The following ACCSL variants were observed in gnomAD, a reference collection of about 807,000 sequenced individuals.
The protein encoded by ACCSL is probable inactive 1-aminocyclopropane-1-carboxylate synthase-like protein 2.
Under a neutral mutation model 61.7 loss-of-function variants are expected in ACCSL, and 55 were observed. The observed-to-expected ratio is 0.89, with a 90% CI of 0.72 to 1.12. The LOEUF is 1.12. Ranked by LOEUF, ACCSL falls within the 50% of genes most tolerant of loss-of-function variation. The pLI is 0.00. For missense variants in ACCSL, 632 were observed against 698.0 expected (o/e 0.91, Z 1.07); for synonymous variants, 258 against 264.3 (o/e 0.98, Z 0.23).
the ACCSL span, among the ~76,000 whole-genome samples, chr11:43,971,099 G>A: frequency 7.2e-5 from 11 of 152,156 alleles, no homozygotes; most frequent in African/African-American, 2.2e-4. Flanking sequence ...TTGGGAGGCC[G>A]AGGTGGGCAG....
the ACCSL span, among the ~76,000 whole-genome samples, chr11:44,004,144 G>A: frequency 5.5e-4 from 84 of 151,984 alleles, no homozygotes; most frequent in African/African-American, 1.9e-3. Context: ...TCTGCATGTG[G>A]AAGGGGGAAA....
the ACCSL span, chr11:43,942,692 C>T: frequency 5.7e-6 from 1 of 174,670 alleles, no homozygotes; most frequent in Non-Finnish European, 1.2e-5. Flanking sequence ...CAGCGCCCCC[C>T]GAGCCCCGTG....
At chr11:44,009,024 C>T in the ACCSL span, among the ~76,000 whole-genome samples, 1 of 151,942 alleles carries the variant, frequency 6.6e-6, no homozygotes, top group Non-Finnish European at 1.5e-5. Flanking sequence ...AAAAATTAGC[C>T]AGGCATGGTG....
chr11:44,023,823 C>T, the ACCSL span, among the ~76,000 whole-genome samples: 1 of 152,126 alleles, frequency 6.6e-6, no homozygotes, highest in Non-Finnish European at 1.5e-5. Context: ...TTAGTGGTCT[C>T]TCATAAGTTT....
the ACCSL span, among the ~76,000 whole-genome samples, chr11:44,034,315 T>C: frequency 6.6e-6 from 1 of 152,158 alleles, no homozygotes; most frequent in East Asian, 1.9e-4. Flanking sequence ...AGCTTCCCAG[T>C]GATTTTGACA....
chr11:44,053,841 A>G (rs902923096), intron 8 of ACCSL, among the ~76,000 whole-genome samples: 1 of 152,170 alleles, frequency 6.6e-6, no homozygotes, highest in African/African-American at 2.4e-5. Context: ...CAGCCTAGGC[A>G]ATAGAGTGAG....
the ACCSL span, chr11:44,001,160 C>G: frequency 6.6e-6 from 1 of 152,106 alleles, no homozygotes; most frequent in Non-Finnish European, 1.5e-5. Context: ...TCTCCGGAAG[C>G]CTGCAGTCTT....
At chr11:43,974,744 T>A in the ACCSL span, among the ~76,000 whole-genome samples, 1 of 152,142 alleles carries the variant, frequency 6.6e-6, no homozygotes, top group Non-Finnish European at 1.5e-5. Context: ...GAGGTCCACG[T>A]GGTAGAAATG....
chr11:43,942,399 T>A, the ACCSL span: 2 of 209,140 alleles, frequency 9.6e-6, no homozygotes, highest in Non-Finnish European at 2.0e-5. Context: ...GCCAGCCGCG[T>A]GCTCCGGGGC....
At chr11:44,013,475 T>C in the ACCSL span, among the ~76,000 whole-genome samples, 5 of 150,474 alleles carry the variant, frequency 3.3e-5, no homozygotes, top group South Asian at 8.4e-4. Flanking sequence ...AGATGGGGGG[T>C]GGAGGGGGGC....
the ACCSL span, among the ~76,000 whole-genome samples, chr11:44,014,171 C>T: frequency 6.6e-6 from 1 of 152,224 alleles, no homozygotes. Flanking sequence ...CATCTTAAGA[C>T]CACAAATGCT....
At chr11:44,011,719 T>C in the ACCSL span, among the ~76,000 whole-genome samples, 2 of 152,196 alleles carry the variant, frequency 1.3e-5, no homozygotes, top group African/African-American at 4.8e-5. Flanking sequence ...AAGAACATAC[T>C]GGTCTGTTCA....
At chr11:43,992,001 C>G in the ACCSL span, among the ~76,000 whole-genome samples, 1 of 151,812 alleles carries the variant, frequency 6.6e-6, no homozygotes, top group Non-Finnish European at 1.5e-5. Context: ...CCTCCCTCCC[C>G]ATCTTTTTTT....
At chr11:43,951,904 G>A in the ACCSL span, among the ~76,000 whole-genome samples, 1 of 152,146 alleles carries the variant, frequency 6.6e-6, no homozygotes, top group Admixed American at 6.5e-5. Flanking sequence ...GGGAGACTGA[G>A]GCAGGAGAAT....
intron 11 of ACCSL, among the ~76,000 whole-genome samples, chr11:44,057,769 G>T (rs575088471): frequency 7.2e-5 from 11 of 152,224 alleles, no homozygotes; most frequent in Non-Finnish European, 5.9e-5. Context: ...AACTCAAAGA[G>T]AACTTTCCTA....
the ACCSL span, among the ~76,000 whole-genome samples, chr11:43,932,880 C>A: frequency 1.3e-5 from 2 of 152,228 alleles, no homozygotes; most frequent in African/African-American, 2.4e-5. Context: ...ATAGCCACCC[C>A]CTTTGTCACC....
the ACCSL span, among the ~76,000 whole-genome samples, chr11:44,009,924 G>T: frequency 1.3e-5 from 2 of 152,136 alleles, no homozygotes; most frequent in Non-Finnish European, 2.9e-5. Flanking sequence ...TGCTTCTCCT[G>T]GGGATAAAGT....
At chr11:43,964,014 T>A in the ACCSL span, among the ~76,000 whole-genome samples, 1 of 152,174 alleles carries the variant, frequency 6.6e-6, no homozygotes, top group Non-Finnish European at 1.5e-5. Flanking sequence ...GCATTAGGTG[T>A]GTCTCCTGCA....
chr11:44,051,316 T>C lies in ACCSL; in HGVS notation c.636-19T>C. The stretch of plus-strand genomic sequence containing the variant: ...AAAGGGGCCCGGAAGCCACAAGGTC[T>C]CTCTGGGTCTGTTTACAGCCTGCGG... On this transcript the variant is annotated intron_variant, in intron 3 of 13. Coordinates refer to ENST00000378832, the MANE Select transcript of ACCSL (RefSeq NM_001031854.2). The C allele has an allele frequency of 6.2e-7, 1 of 1,614,120 alleles. No homozygotes were observed. Among genetic ancestry groups the C allele is most frequent in the Non-Finnish European group, 8.5e-7 (1 of 1,179,982 alleles).
Sources: allele counts gnomAD v4.1 joint callset (sites outside exome capture counted in the v4.1 genomes callset), GRCh38; gene constraint gnomAD v4.1.1; transcripts MANE v1.5; gene names NCBI Gene and HGNC (gene_info 2026-07-23, HGNC 2026-07-21).